SPTLC2: variants seen among roughly 807,000 people sequenced by gnomAD.
SPTLC2 encodes the protein serine palmitoyltransferase 2.
A neutral mutation model predicts 62.0 loss-of-function variants in SPTLC2; 21 were observed. The observed-to-expected ratio is 0.34, with a 90% CI of 0.24 to 0.49. The LOEUF is 0.49. Ranked by LOEUF, SPTLC2 falls within the 20% of genes least tolerant of loss-of-function variation. SPTLC2 has a pLI of 0.99. For missense variants in SPTLC2, 511 were observed against 713.0 expected (o/e 0.72, Z 3.23); for synonymous variants, 261 against 261.8 (o/e 1.00, Z 0.03).
chr14:77,537,029 T>C (rs1216246773), intron 9 of SPTLC2, among the ~76,000 whole-genome samples: 1 of 151,772 alleles, frequency 6.6e-6, no homozygotes, highest in Non-Finnish European at 1.5e-5. Flanking sequence ...TTCAAGCAAT[T>C]CTCCTGCCTC....
chr14:77,560,215 T>C (rs912657551), intron 6 of SPTLC2, among the ~76,000 whole-genome samples: 4 of 152,182 alleles, frequency 2.6e-5, no homozygotes, highest in Admixed American at 1.3e-4. Context: ...GATGCAAGCA[T>C]GTGTATGTTC....
rs1566778667 is a variant in SPTLC2 at position 77,555,549 on chromosome 14, C to T, written c.957-30G>A. Reference sequence around the variant, plus strand: ...CAAAACATGAAAAAATATATATATACACATATACACTGAGACTTTTTAAAT... The same window carrying T: ...CAAAACATGAAAAAATATATATATATACATATACACTGAGACTTTTTAAAT... On this transcript the variant is annotated intron_variant, in intron 7 of 11. Transcript: ENST00000216484. The T allele has an allele frequency of 3.8e-6, 6 of 1,590,374 alleles. No homozygotes were observed. The African/African-American group carries it at 4.0e-5, about 11-fold the overall frequency.
intron 1 of SPTLC2, among the ~76,000 whole-genome samples, chr14:77,607,667 A>G (rs1445250406): frequency 6.6e-6 from 1 of 152,128 alleles, no homozygotes; most frequent in East Asian, 1.9e-4. Context: ...TATTTTTGCT[A>G]TTTAAATAAT....
In SPTLC2 at chr14:77,593,962, G is replaced by A. The variant is rs144688824; in HGVS notation, c.327+3224C>T. On this transcript the variant is annotated intron_variant, in intron 2 of 11. Transcript: ENST00000216484. ...AAAAGCTGAATTTTTGTAAGAAAAT[G>A]GCAGAAGTTGGCTGTTTTAAATGCT... Among the ~76,000 whole-genome samples, 3 of 152,202 alleles carry A rather than the reference G, an allele frequency of 2.0e-5. No individual in the cohort carries two copies. In the East Asian group the frequency reaches 5.8e-4, roughly 29 times the overall value.
intron 1 of SPTLC2, among the ~76,000 whole-genome samples, chr14:77,600,536 A>G (rs1216796172): frequency 6.6e-6 from 1 of 152,258 alleles, no homozygotes; most frequent in Non-Finnish European, 1.5e-5. Flanking sequence ...ATAATCCATG[A>G]GGAAAAACAC....
intron 9 of SPTLC2, among the ~76,000 whole-genome samples, chr14:77,523,470 G>A (rs1390969860): frequency 1.3e-5 from 2 of 152,152 alleles, no homozygotes; most frequent in Non-Finnish European, 1.5e-5. Flanking sequence ...CAGTGTACAG[G>A]AGCAGGGAGG....
Position 77,579,084 on chromosome 14 carries a change from A to T in SPTLC2, c.353T>A (p.Phe118Tyr). 1 of 1,614,140 alleles carries T rather than the reference A, an allele frequency of 6.2e-7. No homozygotes were observed. The highest frequency in any genetic ancestry group is 8.5e-7 in the Non-Finnish European group (1 of 1,180,018). Reference sequence around the variant, plus strand: ...CAGATTCCTTGTATAAAAGTTTTCAAAATCTTGATACAATGACACAAAGTC... The same window carrying T: ...CAGATTCCTTGTATAAAAGTTTTCATAATCTTGATACAATGACACAAAGTC... ...QKDFVSLYQD[F>Y]ENFYTRNLYM... is the part of the protein sequence containing the mutation. Residue 118 changes from phenylalanine to tyrosine, a missense_variant, in exon 3 of 12, where the codon TTT (phenylalanine) becomes TAT (tyrosine). Physicochemically the swap from Phe to Tyr is conservative, Grantham distance 22. Coordinates refer to ENST00000216484, the MANE Select transcript of SPTLC2 (RefSeq NM_004863.4).
chr14:77,550,594 G>GGAAAAGAAAA (rs139751760), intron 9 of SPTLC2, among the ~76,000 whole-genome samples: 15 of 151,332 alleles, frequency 9.9e-5, no homozygotes, highest in African/African-American at 3.7e-4. Context: ...GAAAAGGAAA[G>GGAAAAGAAAA]GAAAAGAAAA....
intron 9 of SPTLC2, chr14:77,535,721 A>G (rs561474808): frequency 3.2e-6 from 1 of 309,366 alleles, no homozygotes; most frequent in East Asian, 9.9e-5. Context: ...CTCTGTACGG[A>G]TATCTACAAT....
At position 77,555,580 on chromosome 14, in the gene SPTLC2, T is replaced by C. The variant is rs1206225195; in HGVS notation, c.957-61A>G. On this transcript the variant is annotated intron_variant, in intron 7 of 11. Transcript: ENST00000216484. ...TACACTGAGACTTTTTAAATCAAAATTGGGAGTTTGGCACTTCATTATTAT... is the reference window on the plus strand; with the variant it reads ...TACACTGAGACTTTTTAAATCAAAACTGGGAGTTTGGCACTTCATTATTAT... 10 of 1,512,102 alleles carry C rather than the reference T, an allele frequency of 6.6e-6. No individual in the cohort carries two copies. The Admixed American group carries it at 9.2e-5, about 14-fold the overall frequency. The allele number at this position is 1,512,102 out of a possible 1,614,324, so 93.7% of individuals were successfully genotyped here. A position where few individuals can be genotyped will look rare whatever the true frequency, so the allele number is the denominator to read the frequency against.
intron 9 of SPTLC2, among the ~76,000 whole-genome samples, chr14:77,530,661 T>C (rs941013703): frequency 6.6e-6 from 1 of 152,150 alleles, no homozygotes; most frequent in Non-Finnish European, 1.5e-5. Context: ...CACCTCTCCC[T>C]TTTAGAAGCA....
intron 3 of SPTLC2, 63 bp from the exon 4 acceptor site, chr14:77,576,978 A>G: frequency 6.3e-7 from 1 of 1,582,558 alleles, no homozygotes; most frequent in Non-Finnish European, 8.7e-7. Flanking sequence ...ATGTAATATT[A>G]AATGAACTGG....
intron 1 of SPTLC2, among the ~76,000 whole-genome samples, chr14:77,615,954 T>C (rs943372177): frequency 6.6e-6 from 1 of 152,080 alleles, no homozygotes; most frequent in African/African-American, 2.4e-5. Context: ...CAGAATGTGG[T>C]TGGGAGAGGC....
chr14:77,565,771 G>A (rs866608850), intron 5 of SPTLC2, among the ~76,000 whole-genome samples: 4 of 152,142 alleles, frequency 2.6e-5, no homozygotes, highest in East Asian at 1.9e-4. Context: ...AACCAAATAC[G>A]TCCTGTACTT....
chr14:77,554,517 G>T (rs2079572450), intron 8 of SPTLC2, among the ~76,000 whole-genome samples: 1 of 152,118 alleles, frequency 6.6e-6, no homozygotes, highest in Non-Finnish European at 1.5e-5. Flanking sequence ...GTGACTTTTT[G>T]TGACTTTTTT....
intron 1 of SPTLC2, among the ~76,000 whole-genome samples, chr14:77,610,800 C>A (rs960815805): frequency 3.3e-5 from 5 of 151,858 alleles, no homozygotes; most frequent in Non-Finnish European, 7.4e-5. Context: ...AATCTCAGCA[C>A]TTCAGGAGGC....
chr14:77,548,321 C>A (rs1223240613), intron 9 of SPTLC2, among the ~76,000 whole-genome samples: 1 of 152,118 alleles, frequency 6.6e-6, no homozygotes, highest in Non-Finnish European at 1.5e-5. Flanking sequence ...CTGAAAGGAT[C>A]CTAGATGTCA....
In SPTLC2 at chr14:77,555,304, T is replaced by C. The variant is rs114940503; in HGVS notation, c.1172A>G (p.Lys391Arg). ...FGASGGYIGG[K>R]KELIDYLRTH... ...TCATTCTCATGGCTCGTTTACCTTC[T>C]TGCCTCCAATATATCCTCCAGAAGC... Residue 391 changes from lysine to arginine, a missense_variant, in exon 8 of 12, where the codon AAG becomes AGG. Coordinates refer to ENST00000216484, the MANE Select transcript of SPTLC2 (RefSeq NM_004863.4). 4.8e-5 allele frequency: 77 copies of C among 1,614,156 alleles called. No homozygotes were observed. The African/African-American group carries it at 7.2e-4, about 15-fold the overall frequency.
chr14:77,515,542 CT>C (rs71128633), intron 11 of SPTLC2, among the ~76,000 whole-genome samples: 580 of 124,446 alleles, frequency 4.7e-3, no homozygotes, highest in African/African-American at 0.019. Flanking sequence ...AAGGGAAAGG[CT>C]TTTTTTTTTT....
Sources: allele counts gnomAD v4.1 joint callset (sites outside exome capture counted in the v4.1 genomes callset), GRCh38; gene constraint gnomAD v4.1.1; transcripts MANE v1.5; gene names NCBI Gene and HGNC (gene_info 2026-07-23, HGNC 2026-07-21).